Variants in LRP1B observed in about 807,000 individuals in gnomAD.
LRP1B encodes LDL receptor related protein 1B, also known as low-density lipoprotein receptor-related protein 1B.
LRP1B carries 217 observed loss-of-function variants against 556.6 expected under a neutral mutation model. The observed-to-expected ratio is 0.39, with a 90% CI of 0.35 to 0.44. The LOEUF is 0.44. LRP1B is among the 20% of genes least tolerant of loss of function. The pLI is 1.00. For missense variants in LRP1B, 5,053 were observed against 5,620.8 expected (o/e 0.90, Z 3.23); for synonymous variants, 2,047 against 1,865.8 (o/e 1.10, Z -2.50).
chr2:140,506,564 T>C (rs1441039566), intron 53 of LRP1B, among the ~76,000 whole-genome samples: 1 of 152,160 alleles, frequency 6.6e-6, no homozygotes, highest in Non-Finnish European at 1.5e-5. Context: ...TTTATAAACA[T>C]TTTCCAATAT....
At chr2:141,517,926 G>C (rs1684383135) in intron 2 of LRP1B, among the ~76,000 whole-genome samples, 1 of 152,030 alleles carries the variant, frequency 6.6e-6, no homozygotes, top group African/African-American at 2.4e-5. Flanking sequence ...AATTCTTTTT[G>C]ATGGCTCTCA....
chr2:141,139,745 G>C (rs1285344756), intron 7 of LRP1B, among the ~76,000 whole-genome samples: 3 of 150,660 alleles, frequency 2.0e-5, no homozygotes, highest in Non-Finnish European at 4.4e-5. Flanking sequence ...TATATTACTG[G>C]TAGAAATGTA....
intron 77 of LRP1B, among the ~76,000 whole-genome samples, chr2:140,349,732 C>A (rs1681872436): frequency 6.6e-6 from 1 of 151,910 alleles, no homozygotes; most frequent in South Asian, 2.1e-4. Flanking sequence ...TTTCAACAAG[C>A]AGATTTCTGT....
At chr2:141,207,822 C>A (rs1162570818) in intron 6 of LRP1B, among the ~76,000 whole-genome samples, 1 of 152,074 alleles carries the variant, frequency 6.6e-6, no homozygotes, top group Admixed American at 6.5e-5. Flanking sequence ...ATTACAGGCA[C>A]CCGCCACCAC....
intron 2 of LRP1B, among the ~76,000 whole-genome samples, chr2:141,565,085 G>A (rs1157337497): frequency 6.6e-6 from 1 of 152,030 alleles, no homozygotes; most frequent in Non-Finnish European, 1.5e-5. Context: ...CTGTTGTCTT[G>A]GTCCACTATT....
chr2:141,048,392 T>C (rs1457171887), intron 11 of LRP1B, among the ~76,000 whole-genome samples: 1 of 152,148 alleles, frequency 6.6e-6, no homozygotes, highest in East Asian at 1.9e-4. Flanking sequence ...ACATTGGTTT[T>C]ATTAAAATAT....
At chr2:141,533,155 A>T in intron 2 of LRP1B, among the ~76,000 whole-genome samples, 1 of 152,328 alleles carries the variant, frequency 6.6e-6, no homozygotes, top group African/African-American at 2.4e-5. Flanking sequence ...AGATTAACAA[A>T]AATTAAAATA....
intron 11 of LRP1B, among the ~76,000 whole-genome samples, chr2:141,047,876 A>T (rs555568141): frequency 6.6e-6 from 1 of 152,140 alleles, no homozygotes; most frequent in Admixed American, 6.6e-5. Context: ...GATCTAGTCC[A>T]AACACCATCT....
chr2:140,736,070 G>A (rs533621593), intron 35 of LRP1B, among the ~76,000 whole-genome samples: 2 of 152,228 alleles, frequency 1.3e-5, no homozygotes, highest in East Asian at 3.9e-4. Context: ...AACACATGGA[G>A]AAACTATGCC....
chr2:141,959,604 T>A (rs186976318), intron 1 of LRP1B, among the ~76,000 whole-genome samples: 1 of 151,974 alleles, frequency 6.6e-6, no homozygotes, highest in African/African-American at 2.4e-5. Context: ...TTACATTTTC[T>A]GAAATTATCG....
intron 41 of LRP1B, chr2:140,683,865 C>A: frequency 1.7e-6 from 1 of 590,132 alleles, no homozygotes; most frequent in South Asian, 1.8e-5. Flanking sequence ...CCGCGGCCCC[C>A]TGCGCCTGGG....
chr2:140,291,623 G>A (rs921960020), intron 84 of LRP1B, among the ~76,000 whole-genome samples: 3 of 151,644 alleles, frequency 2.0e-5, no homozygotes, highest in Admixed American at 6.6e-5. Context: ...TTCCATGTCC[G>A]TACAAAGGAC....
At chr2:140,701,683 A>T (rs772648333) in intron 40 of LRP1B, 38 bp downstream of exon 40, 1 of 1,563,604 alleles carries the variant, frequency 6.4e-7, no homozygotes, top group Non-Finnish European at 8.7e-7. Flanking sequence ...GAAATCACAT[A>T]AAATATACAT....
At chr2:140,289,797 T>G (rs1260697375) in intron 84 of LRP1B, among the ~76,000 whole-genome samples, 1 of 151,984 alleles carries the variant, frequency 6.6e-6, no homozygotes, top group East Asian at 1.9e-4. Flanking sequence ...ATTATCACAC[T>G]AGAAAATATA....
chr2:141,645,767 C>T (rs900713992), intron 2 of LRP1B, among the ~76,000 whole-genome samples: 1 of 151,804 alleles, frequency 6.6e-6, no homozygotes, highest in Admixed American at 6.6e-5. Flanking sequence ...CACCACTCTC[C>T]AAAGAGTGAG....
intron 3 of LRP1B, among the ~76,000 whole-genome samples, chr2:141,442,219 T>C (rs1279779134): frequency 6.6e-6 from 1 of 152,140 alleles, no homozygotes; most frequent in African/African-American, 2.4e-5. Flanking sequence ...TAAAAGTATA[T>C]GTGGAAAAGT....
chr2:140,381,174 C>T (rs560317315), intron 67 of LRP1B, among the ~76,000 whole-genome samples: 8 of 152,004 alleles, frequency 5.3e-5, no homozygotes, highest in South Asian at 2.1e-4. Context: ...TTAGTTACCA[C>T]GGAAAGCCCT....
intron 77 of LRP1B, among the ~76,000 whole-genome samples, chr2:140,345,831 T>TATAC (rs1681641440): frequency 1.4e-5 from 2 of 140,574 alleles, no homozygotes; most frequent in African/African-American, 5.3e-5. Flanking sequence ...TATATACATA[T>TATAC]ATATATACAC....
chr2:140,280,490 A>T (rs1257215848), intron 84 of LRP1B, among the ~76,000 whole-genome samples: 1 of 151,666 alleles, frequency 6.6e-6, no homozygotes, highest in Non-Finnish European at 1.5e-5. Context: ...ATTTGGCTAT[A>T]AATATAAAAT....
Sources: gnomAD v4.1 joint callset for allele counts (sites outside exome capture counted in the v4.1 genomes callset) on GRCh38, gnomAD v4.1.1 for gene constraint, MANE v1.5 for transcripts, NCBI Gene and HGNC (gene_info 2026-07-23, HGNC 2026-07-21) for gene names.